The following PDE6B variants were observed in gnomAD, a reference collection of about 807,000 sequenced individuals.
PDE6B encodes the protein phosphodiesterase 6B.
Under a neutral mutation model 109.0 loss-of-function variants are expected in PDE6B, and 106 were observed. The ratio of observed to expected loss-of-function variants is 0.97; its 90% CI spans 0.83 to 1.14. The LOEUF is 1.14. Ranked by LOEUF, PDE6B falls within the 50% of genes most tolerant of loss-of-function variation. The pLI is 0.00. For missense variants in PDE6B, 1,193 were observed against 1,155.6 expected (o/e 1.03, Z -0.47); for synonymous variants, 490 against 471.3 (o/e 1.04, Z -0.51).
In PDE6B at chr4:662,340, CAGA is replaced by C; in HGVS notation, c.1722+102_1722+104del. The C allele has an allele frequency of 1.2e-6, 1 of 840,328 alleles. No individual in the cohort carries two copies. The highest frequency in any genetic ancestry group is 1.4e-5 in the South Asian group (1 of 70,088). 52.1% of individuals were successfully genotyped at this position (840,328 alleles called of 1,614,324 possible). ...GGATGAGATGGGGGTCCTCCCAGGG[CAGA>C]AGGATGGAGGAGGGCAACGCCCTCT... On this transcript the variant is annotated intron_variant, in intron 13 of 21. Transcript: ENST00000496514. The surrounding 1 kb of genome is among the most constrained non-coding windows in gnomAD (Gnocchi z 4.3).
At position 626,597 on chromosome 4, in the gene PDE6B, G is replaced by A. The variant is rs1363097342; in HGVS notation, c.468+503G>A. ...AGGGGAACCCCAAACTTCCACTGTG[G>A]CAGAAGCAGCTTTATCCCATGGGAG... On this transcript the variant is annotated intron_variant, in intron 1 of 21. Coordinates refer to ENST00000496514, the MANE Select transcript of PDE6B (RefSeq NM_000283.4). This position sits in a 1 kb window ranked among gnomAD's most constrained non-coding sequence, Gnocchi z 4.6. Among the ~76,000 whole-genome samples, 7 of 152,214 alleles carry A rather than the reference G, an allele frequency of 4.6e-5. No homozygotes were observed. The highest frequency in any genetic ancestry group is 1.7e-4 in the African/African-American group (7 of 41,454).
In PDE6B at chr4:654,063, A is replaced by G; in HGVS notation, c.853-17A>G. The G allele has an allele frequency of 2.5e-6, 4 of 1,612,910 alleles. No homozygotes were observed. The highest frequency in any genetic ancestry group is 3.4e-6 in the Non-Finnish European group (4 of 1,179,712). On this transcript the variant is annotated splice_polypyrimidine_tract_variant and intron_variant, in intron 4 of 21. Transcript: ENST00000496514. The stretch of plus-strand genomic sequence containing the variant: ...GTCCCGCAGTGACCGCCCCACCCTC[A>G]CCTCTTCTCTGCCCAGGAATTTTTT...
intron 20 of PDE6B, 140 bp from the exon 21 acceptor site, chr4:667,716 G>A (rs1737955589): frequency 1.2e-6 from 1 of 855,914 alleles, no homozygotes; most frequent in Admixed American, 1.7e-5. Context: ...GGCTCTGCTG[G>A]GAAGGTGCCC....
At chr4:668,274 AT>A (rs1444112432) in intron 21 of PDE6B, among the ~76,000 whole-genome samples, 2 of 151,930 alleles carry the variant, frequency 1.3e-5, no homozygotes, top group African/African-American at 4.8e-5. Context: ...ACCATATCTT[AT>A]GTCCTTTATA....
chr4:656,339 G>C, intron 8 of PDE6B, 47 bp downstream of exon 8: 1 of 1,236,910 alleles, frequency 8.1e-7, no homozygotes. Context: ...TACAAAAGAG[G>C]AGATTTTGAT....
chr4:651,880 A>G (rs1326257408), intron 3 of PDE6B: 1 of 137,798 alleles, frequency 7.3e-6, no homozygotes, highest in African/African-American at 2.6e-5. Context: ...ATGGGGCCAA[A>G]GCTCCTGACC....
rs1376762204 is a variant in PDE6B, at chr4:625,985, A to G, written c.359A>G (p.Glu120Gly). ...LFSVQPDSVL[E>G]DCLVPPDSEI... ...AGCGTGCAGCCGGACAGCGTCCTGG[A>G]GGACTGCCTGGTGCCCCCCGACTCC... The change falls in exon 1 of 22, where the codon GAG becomes GGG. Residue 120 changes from glutamate (E) to glycine (G), a missense_variant. Glu to Gly is a moderately conservative substitution (Grantham distance 98, BLOSUM62 -2). Coordinates refer to ENST00000496514, the MANE Select transcript of PDE6B (RefSeq NM_000283.4). This position sits in a 1 kb window ranked among gnomAD's most constrained non-coding sequence, Gnocchi z 5.0. The G allele has an allele frequency of 6.3e-7, 1 of 1,583,898 alleles. No individual in the cohort carries two copies. Among genetic ancestry groups the G allele is most frequent in the South Asian group, 1.1e-5 (1 of 87,396 alleles).
rs777922188 is a variant in PDE6B, at chr4:664,125, T to C, written c.2033T>C (p.Met678Thr). The C allele has an allele frequency of 6.2e-7, 1 of 1,607,704 alleles. No individual in the cohort carries two copies. The highest frequency in any genetic ancestry group is 1.1e-5 in the South Asian group (1 of 90,972). The stretch of plus-strand genomic sequence containing the variant: ...TTCCCTGGGTTCAGGAAGAGAGCGA[T>C]GTTTCAGAAGATCGTGGATGAGTCC... Reference protein sequence around the residue: ...DLALYFKKRAMFQKIVDESKN... With the variant: ...DLALYFKKRATFQKIVDESKN... The change falls in exon 17 of 22, where the codon ATG (methionine) becomes ACG (threonine). Residue 678 changes from methionine to threonine, a missense_variant. By Grantham distance (81) the Met-to-Thr change is moderately conservative (BLOSUM62 -1). Transcript: ENST00000496514.
In PDE6B at chr4:648,036, C is replaced by T. The variant is rs780106548; in HGVS notation, c.712-5816C>T. Among the ~76,000 whole-genome samples the T allele has an allele frequency of 1.3e-5, 2 of 151,820 alleles. No homozygotes were observed. The highest frequency in any genetic ancestry group is 2.9e-5 in the Non-Finnish European group (2 of 68,016). On this transcript the variant is annotated intron_variant, in intron 3 of 21. Coordinates refer to ENST00000496514, the MANE Select transcript of PDE6B (RefSeq NM_000283.4). The surrounding 1 kb of genome is among the most constrained non-coding windows in gnomAD (Gnocchi z 4.5). ...GTAGCAGTGAGCCAAGATCGCGCCA[C>T]TGCACTTTAGCCTGGGCAACAAGAG...
chr4:665,186 A>G lies in PDE6B; in HGVS notation c.2194-69A>G. 1 of 1,181,486 alleles carries G rather than the reference A, an allele frequency of 8.5e-7. No individual in the cohort carries two copies. Among genetic ancestry groups the G allele is most frequent in the Non-Finnish European group, 1.2e-6 (1 of 806,760 alleles). 73.2% of individuals were successfully genotyped at this position (1,181,486 alleles called of 1,614,324 possible). A position where few individuals can be genotyped will look rare whatever the true frequency, so the allele number is the denominator to read the frequency against. On this transcript the variant is annotated intron_variant, in intron 18 of 21. Coordinates refer to ENST00000496514, the MANE Select transcript of PDE6B (RefSeq NM_000283.4). This position sits in a 1 kb window ranked among gnomAD's most constrained non-coding sequence, Gnocchi z 4.0. ...GGAGAAGACCGAGGCTCGGAGCCTC[A>G]CGGGGCGGGCCCGGGCCCTTCCGCG... is the stretch of plus-strand genomic sequence containing the variant.
rs374135539 is a variant in PDE6B at position 665,218 on chromosome 4, C to T, written c.2194-37C>T. 5.5e-5 allele frequency: 84 copies of T among 1,530,224 alleles called. No individual in the cohort carries two copies. The highest frequency in any genetic ancestry group is 1.7e-4 in the Middle Eastern group (1 of 5,814). 94.8% of individuals were successfully genotyped at this position (1,530,224 alleles called of 1,614,324 possible). Reference sequence around the variant, plus strand: ...GGGCCCGGGCCCTTCCGCGTGGGCTCAGAGCTCCACAGACAGCTGCCTTCC... The same window carrying T: ...GGGCCCGGGCCCTTCCGCGTGGGCTTAGAGCTCCACAGACAGCTGCCTTCC... On this transcript the variant is annotated intron_variant, in intron 18 of 21. Coordinates refer to ENST00000496514, the MANE Select transcript of PDE6B (RefSeq NM_000283.4). The surrounding 1 kb of genome is among the most constrained non-coding windows in gnomAD (Gnocchi z 4.0).
intron 5 of PDE6B, 35 bp from the exon 6 acceptor site, chr4:654,789 A>T (rs1362971042): frequency 2.6e-6 from 3 of 1,152,970 alleles, no homozygotes; most frequent in African/African-American, 3.0e-5. Flanking sequence ...GAGCTTGGCC[A>T]GGCAGCCCCC....
chr4:664,362 A>C (rs567918294), intron 17 of PDE6B, 141 bp downstream of exon 17: 4 of 698,224 alleles, frequency 5.7e-6, no homozygotes. Flanking sequence ...GGGCTGTGAA[A>C]CAAATGCGCC....
chr4:656,818 G>A (rs558667531), intron 8 of PDE6B, 56 bp from the exon 9 acceptor site: 60 of 1,586,678 alleles, frequency 3.8e-5, no homozygotes, highest in Admixed American at 1.0e-4. Context: ...CCGGCCACAC[G>A]CCCGGGCCAG....
intron 1 of PDE6B, 42 bp from the exon 2 acceptor site, chr4:634,635 C>A: frequency 6.4e-7 from 1 of 1,560,650 alleles, no homozygotes; most frequent in Non-Finnish European, 8.8e-7. Context: ...TCCAGGCCCA[C>A]GGTGCGACAG....
chr4:665,010 C>A lies in PDE6B; in HGVS notation c.2193+66C>A. 3 of 1,293,348 alleles carry A rather than the reference C, an allele frequency of 2.3e-6. No homozygotes were observed. Among genetic ancestry groups the A allele is most frequent in the South Asian group, 1.2e-5 (1 of 84,646 alleles). 80.1% of individuals were successfully genotyped at this position (1,293,348 alleles called of 1,614,324 possible). ...TCAGCACATGGGACTGCCGGGCGGG[C>A]GGGAGCCTCGGATGGCAACGGACCA... On this transcript the variant is annotated intron_variant, in intron 18 of 21. Transcript: ENST00000496514. The surrounding 1 kb of genome is among the most constrained non-coding windows in gnomAD (Gnocchi z 4.0).
At chr4:644,771 C>A (rs1230173407) in intron 3 of PDE6B, among the ~76,000 whole-genome samples, 1 of 152,004 alleles carries the variant, frequency 6.6e-6, no homozygotes, top group Non-Finnish European at 1.5e-5. Flanking sequence ...CTCAGATGAT[C>A]CGCCCACCTC....
intron 3 of PDE6B, among the ~76,000 whole-genome samples, chr4:637,204 GT>G (rs1734730322): frequency 1.3e-5 from 2 of 151,494 alleles, no homozygotes; most frequent in Admixed American, 1.3e-4. Flanking sequence ...CCCCATCACT[GT>G]GGGGTTTTGC....
At chr4:652,879 A>C (rs1284720871) in intron 3 of PDE6B, 1 of 146,534 alleles carries the variant, frequency 6.8e-6, no homozygotes, top group Non-Finnish European at 1.5e-5. Context: ...TGTTCTCACC[A>C]CAAAAAAAAC....
Sources: gnomAD v4.1 joint callset for allele counts (sites outside exome capture counted in the v4.1 genomes callset) on GRCh38, gnomAD v4.1.1 for gene constraint, Gnocchi (gnomAD v3.1) non-coding constraint, MANE v1.5 for transcripts, NCBI Gene and HGNC (gene_info 2026-07-23, HGNC 2026-07-21) for gene names.